PTPRT: variants seen among roughly 807,000 people sequenced by gnomAD.
The protein encoded by PTPRT is receptor-type tyrosine-protein phosphatase T.
PTPRT carries 56 observed loss-of-function variants against 176.8 expected under a neutral mutation model. The observed-to-expected ratio is 0.32, with a 90% CI of 0.26 to 0.40. PTPRT has a LOEUF of 0.40. PTPRT is among the 10% of genes least tolerant of loss of function. The pLI, the probability that PTPRT is intolerant of heterozygous loss-of-function variation, is 1.00. For synonymous variants in PTPRT, 783 were observed against 739.0 expected, an observed-to-expected ratio of 1.06 and a Z score of -0.96; for missense variants, 1,540 against 1,908.2, an observed-to-expected ratio of 0.81 and a Z score of 3.60.
chr20:42,400,777 G>A (rs1040325067), intron 9 of PTPRT, among the ~76,000 whole-genome samples: 14 of 152,150 alleles, frequency 9.2e-5, no homozygotes, highest in African/African-American at 3.4e-4. Context: ...AGTTATGGAG[G>A]GAATTAGAGC....
At chr20:42,217,676 G>A (rs1481266247) in intron 15 of PTPRT, among the ~76,000 whole-genome samples, 1 of 152,156 alleles carries the variant, frequency 6.6e-6, no homozygotes, top group East Asian at 1.9e-4. Context: ...GTTACCTAGT[G>A]CACTGCGGGA....
At chr20:42,724,468 G>A (rs917058612) in intron 6 of PTPRT, among the ~76,000 whole-genome samples, 2 of 152,070 alleles carry the variant, frequency 1.3e-5, no homozygotes, top group African/African-American at 4.8e-5. Flanking sequence ...TTTCTTTCTT[G>A]TTTCCCTCCA....
intron 7 of PTPRT, among the ~76,000 whole-genome samples, chr20:42,628,754 T>C (rs2074345598): frequency 6.6e-6 from 1 of 152,216 alleles, no homozygotes; most frequent in African/African-American, 2.4e-5. Flanking sequence ...GCCCATGGGC[T>C]AAATTCAACC....
intron 9 of PTPRT, among the ~76,000 whole-genome samples, chr20:42,361,723 C>G (rs2058434774): frequency 3.9e-5 from 6 of 152,172 alleles, no homozygotes; most frequent in Admixed American, 3.9e-4. Flanking sequence ...CAGTTCTCGG[C>G]TCTCTGGTCA....
chr20:42,366,979 T>C (rs1381306706), intron 9 of PTPRT, among the ~76,000 whole-genome samples: 8 of 152,316 alleles, frequency 5.3e-5, no homozygotes, highest in Non-Finnish European at 5.9e-5. Context: ...ACTTCTTGGA[T>C]TGTGTTTCTT....
intron 1 of PTPRT, among the ~76,000 whole-genome samples, chr20:43,109,131 A>G (rs1188720410): frequency 6.6e-6 from 1 of 152,152 alleles, no homozygotes; most frequent in Non-Finnish European, 1.5e-5. Flanking sequence ...TCCAGGACAC[A>G]ATAAAGCAAT....
At chr20:42,768,069 A>C (rs1435288054) in intron 5 of PTPRT, among the ~76,000 whole-genome samples, 1 of 150,468 alleles carries the variant, frequency 6.6e-6, no homozygotes, top group Non-Finnish European at 1.5e-5. Flanking sequence ...ACTTCCAATT[A>C]CCTGATTGCA....
intron 2 of PTPRT, among the ~76,000 whole-genome samples, chr20:42,816,089 T>C (rs1600780877): frequency 6.6e-6 from 1 of 152,332 alleles, no homozygotes; most frequent in African/African-American, 2.4e-5. Context: ...CCAGTAATAC[T>C]AACTGTGAAA....
intron 5 of PTPRT, among the ~76,000 whole-genome samples, chr20:42,759,513 T>G (rs1391405498): frequency 1.3e-5 from 2 of 152,080 alleles, no homozygotes; most frequent in African/African-American, 4.8e-5. Flanking sequence ...AGCATAAAAA[T>G]GCACAGAGAT....
chr20:42,308,330 A>G (rs2057576293), intron 12 of PTPRT, among the ~76,000 whole-genome samples: 1 of 152,112 alleles, frequency 6.6e-6, no homozygotes, highest in South Asian at 2.1e-4. Context: ...CTTTCCAGTG[A>G]CAAAACCATG....
chr20:42,094,869 G>A (rs532339553), intron 27 of PTPRT, among the ~76,000 whole-genome samples: 233 of 152,258 alleles, frequency 1.5e-3, no homozygotes, highest in Middle Eastern at 6.8e-3. Flanking sequence ...GCGACAGAGT[G>A]AGACTCCATC....
At chr20:42,061,717 G>T in the PTPRT span, among the ~76,000 whole-genome samples, 2 of 152,306 alleles carry the variant, frequency 1.3e-5, no homozygotes, top group South Asian at 4.1e-4. Context: ...TGTCTCTGCA[G>T]CCACTCTCGA....
intron 2 of PTPRT, among the ~76,000 whole-genome samples, chr20:42,868,797 C>G (rs896835740): frequency 4.6e-5 from 7 of 152,194 alleles, no homozygotes; most frequent in Non-Finnish European, 8.8e-5. Context: ...GCCCAGAATG[C>G]CATGGCCTGG....
At chr20:42,511,636 G>A (rs1371733252) in intron 7 of PTPRT, among the ~76,000 whole-genome samples, 2 of 151,964 alleles carry the variant, frequency 1.3e-5, no homozygotes, top group African/African-American at 2.4e-5. Flanking sequence ...TAAAGATCAC[G>A]AAACACATGT....
chr20:42,995,625 T>C (rs1032011021), intron 1 of PTPRT, among the ~76,000 whole-genome samples: 9 of 152,148 alleles, frequency 5.9e-5, no homozygotes, highest in African/African-American at 2.2e-4. Flanking sequence ...TTTCCGAGTC[T>C]TCCCAGGAAG....
chr20:42,233,870 C>T (rs1447460432), intron 15 of PTPRT, among the ~76,000 whole-genome samples: 1 of 152,196 alleles, frequency 6.6e-6, no homozygotes, highest in Non-Finnish European at 1.5e-5. Flanking sequence ...TTCATGTCTG[C>T]ACCAATTGAA....
At chr20:42,847,580 G>T (rs73099970) in intron 2 of PTPRT, among the ~76,000 whole-genome samples, 2 of 152,284 alleles carry the variant, frequency 1.3e-5, no homozygotes, top group Non-Finnish European at 2.9e-5. Context: ...GCATCAACTT[G>T]GATATACATG....
At chr20:42,518,525 T>C (rs1385319712) in intron 7 of PTPRT, among the ~76,000 whole-genome samples, 1 of 152,152 alleles carries the variant, frequency 6.6e-6, no homozygotes, top group Non-Finnish European at 1.5e-5. Flanking sequence ...AGTTATCCAT[T>C]TCACATAAAT....
chr20:43,171,664 A>G (rs1005245208), intron 1 of PTPRT, among the ~76,000 whole-genome samples: 2 of 152,212 alleles, frequency 1.3e-5, no homozygotes, highest in Non-Finnish European at 2.9e-5. Flanking sequence ...TATCAGAATC[A>G]CCTGAAAGGG....
Sources: gnomAD v4.1 joint callset for allele counts (sites outside exome capture counted in the v4.1 genomes callset) on GRCh38, gnomAD v4.1.1 for gene constraint, MANE v1.5 for transcripts, NCBI Gene and HGNC (gene_info 2026-07-23, HGNC 2026-07-21) for gene names.